PCDH18: variants seen among roughly 807,000 people sequenced by gnomAD.
The protein encoded by PCDH18 is protocadherin-18.
PCDH18 carries 38 observed loss-of-function variants against 71.5 expected under a neutral mutation model. The ratio of observed to expected loss-of-function variants is 0.53; its 90% CI spans 0.41 to 0.70. The LOEUF is 0.70. PCDH18 is among the 30% of genes least tolerant of loss of function. PCDH18 has a pLI of 0.00. For missense variants in PCDH18, 1,334 were observed against 1,384.6 expected (o/e 0.96, Z 0.58); for synonymous variants, 565 against 505.4 (o/e 1.12, Z -1.58).
chr4:137,531,926 A>C lies in PCDH18; in HGVS notation c.163T>G (p.Leu55Val), dbSNP rs1342097066. The stretch of plus-strand genomic sequence containing the variant: ...GTAGAAGGATTAGGAAGCTTCAATA[A>C]AACATCAGCCACATCCTCTGATAGT... ...ARLSEDVADV[L>V]LKLPNPSTVR... Residue 55 changes from leucine to valine, a missense_variant, in exon 1 of 4, where the codon TTA (leucine) becomes GTA (valine). Leu to Val is a conservative substitution (Grantham distance 32, BLOSUM62 1). Transcript: ENST00000344876. 1 of 1,614,116 alleles carries C rather than the reference A, an allele frequency of 6.2e-7. No individual in the cohort carries two copies. The highest frequency in any genetic ancestry group is 8.5e-7 in the Non-Finnish European group (1 of 1,180,018).
chr4:137,522,671 A>T (rs1426961772), intron 3 of PCDH18, among the ~76,000 whole-genome samples: 3 of 152,198 alleles, frequency 2.0e-5, no homozygotes, highest in Non-Finnish European at 2.9e-5. Flanking sequence ...TTAAAAGAAC[A>T]TTAGGTTGTT....
rs1233239590 is a variant in PCDH18, at chr4:137,519,389, T to C, written c.*1640A>G. On this transcript the variant is annotated 3_prime_UTR_variant, in exon 4 of 4. Transcript: ENST00000344876. The stretch of plus-strand genomic sequence containing the variant: ...CTGCACAATTTAATACAAAATGTCC[T>C]AAGAAAGTATTTTTTTTTGTTGTAA... The C allele has an allele frequency of 6.6e-6, 1 of 152,192 alleles. No individual in the cohort carries two copies. Among genetic ancestry groups the C allele is most frequent in the Non-Finnish European group, 1.5e-5 (1 of 68,030 alleles). The allele number at this position is 152,192 out of a possible 1,614,324, so 9.4% of individuals were successfully genotyped here.
In PCDH18 at chr4:137,529,798, G is replaced by A. The variant is rs1295529853; in HGVS notation, c.2291C>T (p.Thr764Ile). The change falls in exon 1 of 4, where the codon ACC becomes ATC. Residue 764 changes from threonine to isoleucine, a missense_variant. By Grantham distance (89) the Thr-to-Ile change is moderately conservative. Around this residue, in one of 3 missense-constraint regions of PCDH18, gnomAD observed 1,011 missense variants for 1,048.0 expected, o/e 0.96. Coordinates refer to ENST00000344876, the MANE Select transcript of PCDH18 (RefSeq NM_019035.5). The part of the protein sequence containing the change: ...IHKGDITLVP[T>I]INGTLPIRSH... The stretch of plus-strand genomic sequence containing the variant: ...TCTGATGGGCAGAGTGCCATTTATG[G>A]TAGGCACCAATGTGATGTCCCCTTT... 4.3e-6 allele frequency: 7 copies of A among 1,612,856 alleles called. No individual in the cohort carries two copies. In the African/African-American group the frequency reaches 8.0e-5, roughly 18 times the overall value.
intron 3 of PCDH18, among the ~76,000 whole-genome samples, chr4:137,526,271 A>C (rs1273017052): frequency 6.6e-6 from 1 of 152,082 alleles, no homozygotes; most frequent in Non-Finnish European, 1.5e-5. Flanking sequence ...TATTCAGTTA[A>C]GTATGCTGAT....
Position 137,532,065 on chromosome 4 carries a change from C to T in PCDH18, c.24G>A (p.Met8Ile). The change falls in exon 1 of 4, where the codon ATG (methionine) becomes ATA (isoleucine). Residue 8 changes from methionine to isoleucine, a missense_variant. Met to Ile is a conservative substitution (Grantham distance 10, BLOSUM62 1). Coordinates refer to ENST00000344876, the MANE Select transcript of PCDH18 (RefSeq NM_019035.5). The part of the protein sequence containing the change: MHQMNAK[M>I]HFRFVFALLI... Reference sequence around the variant, plus strand: ...GAAGTGCAAAAACAAACCTAAAGTGCATTTTAGCATTCATTTGGTGCATTG... The same window carrying T: ...GAAGTGCAAAAACAAACCTAAAGTGTATTTTAGCATTCATTTGGTGCATTG... The T allele has an allele frequency of 2.5e-6, 4 of 1,609,098 alleles. No homozygotes were observed. The highest frequency in any genetic ancestry group is 3.4e-6 in the Non-Finnish European group (4 of 1,177,284).
chr4:137,521,604 T>TC lies in PCDH18; in HGVS notation c.2832dup (p.Ser945GlufsTer2). 1 of 1,613,858 alleles carries TC rather than the reference T, an allele frequency of 6.2e-7. No individual in the cohort carries two copies. Among genetic ancestry groups the TC allele is most frequent in the Non-Finnish European group, 8.5e-7 (1 of 1,179,982 alleles). On this transcript the variant is annotated frameshift_variant, in exon 4 of 4. Coordinates refer to ENST00000344876, the MANE Select transcript of PCDH18 (RefSeq NM_019035.5). LOFTEE classifies it high-confidence loss of function. ...TCTTCCCCTGGAATGAACATGTTACTCCTATAATCAGAAGACGGTGAGGGC... is the reference window on the plus strand; with the variant it reads ...TCTTCCCCTGGAATGAACATGTTACTCCCTATAATCAGAAGACGGTGAGGGC...
rs777674719 is a variant in PCDH18, at chr4:137,530,578, A to G, written c.1511T>C (p.Ile504Thr). ...ACTTCCTAGAATAAAACTCTCCAAG[A>G]TGGTGTATGTCACTTGCCCATTTTC... is the stretch of plus-strand genomic sequence containing the variant. ...LGENGQVTYT[I>T]LESFILGSSI... is the part of the protein sequence containing the mutation. The change falls in exon 1 of 4, where the codon ATC becomes ACC. Residue 504 changes from isoleucine (I) to threonine (T), a missense_variant. Physicochemically the swap from Ile to Thr is moderately conservative, Grantham distance 89 (BLOSUM62 -1). Coordinates refer to ENST00000344876, the MANE Select transcript of PCDH18 (RefSeq NM_019035.5). 5 of 1,614,094 alleles carry G rather than the reference A, an allele frequency of 3.1e-6. No individual in the cohort carries two copies. The highest frequency in any genetic ancestry group is 2.2e-5 in the East Asian group (1 of 44,874).
chr4:137,529,992 G>A lies in PCDH18; in HGVS notation c.2097C>T (p.Ser699=), dbSNP rs982328521. The stretch of plus-strand genomic sequence containing the variant: ...CTCCTAAGGAAATAATTATTATCAT[G>A]GAGACATCCAAGGATGCCTGGCTTA... The part of the protein sequence containing the change: ...TSVSQASLDV[S]MIIIISLGAI... Residue 699 remains serine, a synonymous_variant, in exon 1 of 4, where the codon TCC becomes TCT. Coordinates refer to ENST00000344876, the MANE Select transcript of PCDH18 (RefSeq NM_019035.5). The A allele has an allele frequency of 1.2e-6, 2 of 1,613,916 alleles. No homozygotes were observed. The highest frequency in any genetic ancestry group is 1.6e-4 in the Middle Eastern group (1 of 6,062).
In PCDH18 at chr4:137,521,295, C is replaced by A. The variant is rs1731288238; in HGVS notation, c.3142G>T (p.Gly1048Cys). Residue 1048 changes from glycine to cysteine, a missense_variant, in exon 4 of 4, where the codon GGT becomes TGT. By Grantham distance (159) the Gly-to-Cys change is radical. Coordinates refer to ENST00000344876, the MANE Select transcript of PCDH18 (RefSeq NM_019035.5). ...CATGCCGCTACCCCCTGTGGGTAAC[C>A]CACAGTTTTGGCTGGCAAGGGTCCC... ...RKGPLPAKTV[G>C]YPQGVAAWAA... 3 of 1,614,144 alleles carry A rather than the reference C, an allele frequency of 1.9e-6. No homozygotes were observed. Among genetic ancestry groups the A allele is most frequent in the Admixed American group, 3.3e-5 (2 of 60,024 alleles).
Position 137,529,640 on chromosome 4 carries a change from A to C in PCDH18, c.2449T>G (p.Phe817Val). 2 of 1,612,182 alleles carry C rather than the reference A, an allele frequency of 1.2e-6. No individual in the cohort carries two copies. The highest frequency in any genetic ancestry group is 1.7e-6 in the Non-Finnish European group (2 of 1,178,916). Residue 817 changes from phenylalanine to valine, a missense_variant, in exon 1 of 4, where the codon TTC (phenylalanine) becomes GTC (valine). Physicochemically the swap from Phe to Val is conservative, Grantham distance 50. Transcript: ENST00000344876. ...GTGGCGTGGGTGAGTTCTAATGAGAAATTCTCTGGCACGTGGTTTGATGAG... is the reference window on the plus strand; with the variant it reads ...GTGGCGTGGGTGAGTTCTAATGAGACATTCTCTGGCACGTGGTTTGATGAG... ...TISSNHVPEN[F>V]SLELTHATPA... is the part of the protein sequence containing the mutation.
chr4:137,522,588 G>A (rs557666808), intron 3 of PCDH18, among the ~76,000 whole-genome samples: 2 of 152,266 alleles, frequency 1.3e-5, no homozygotes, highest in South Asian at 2.1e-4. Flanking sequence ...TGAGAAATAA[G>A]GCTGTTCAGT....
In PCDH18 at chr4:137,519,123, A is replaced by G. The variant is rs562986438; in HGVS notation, c.*1906T>C. 1 of 152,186 alleles carries G rather than the reference A, an allele frequency of 6.6e-6. No individual in the cohort carries two copies. Among genetic ancestry groups the G allele is most frequent in the Non-Finnish European group, 1.5e-5 (1 of 68,016 alleles). The allele number at this position is 152,186 out of a possible 1,614,324, so 9.4% of individuals were successfully genotyped here. ...AAATATGGTTAGCGTTTGTGTGTGT[A>G]ATCTACTGAAAAATATACTGAAATT... On this transcript the variant is annotated 3_prime_UTR_variant, in exon 4 of 4. Coordinates refer to ENST00000344876, the MANE Select transcript of PCDH18 (RefSeq NM_019035.5).
chr4:137,528,845 A>G (rs747251346), intron 1 of PCDH18, 25 bp from the exon 2 acceptor site: 6 of 1,524,572 alleles, frequency 3.9e-6, no homozygotes, highest in Middle Eastern at 1.7e-4. Flanking sequence ...GACAGAACTG[A>G]TTCCCGGAAA....
At position 137,530,165 on chromosome 4, in the gene PCDH18, C is replaced by G. The variant is rs1245243603; in HGVS notation, c.1924G>C (p.Val642Leu). 1 of 1,613,284 alleles carries G rather than the reference C, an allele frequency of 6.2e-7. No individual in the cohort carries two copies. The highest frequency in any genetic ancestry group is 1.7e-5 in the Admixed American group (1 of 59,946). Reference sequence around the variant, plus strand: ...GTGTAGGGAACAGAATCCATGCTAACGTTGGTATGGATGTCACATGATCGT... The same window carrying G: ...GTGTAGGGAACAGAATCCATGCTAAGGTTGGTATGGATGTCACATGATCGT... ...DPRSCDIHTN[V>L]SMDSVPYTEW... Residue 642 changes from valine (V) to leucine (L), a missense_variant, in exon 1 of 4, where the codon GTT becomes CTT. Coordinates refer to ENST00000344876, the MANE Select transcript of PCDH18 (RefSeq NM_019035.5).
rs1269137725 is a variant in PCDH18, at chr4:137,519,764, A to G, written c.*1265T>C. 2 of 152,548 alleles carry G rather than the reference A, an allele frequency of 1.3e-5. No individual in the cohort carries two copies. Among genetic ancestry groups the G allele is most frequent in the African/African-American group, 2.4e-5 (1 of 41,574 alleles). 9.4% of individuals were successfully genotyped at this position (152,548 alleles called of 1,614,324 possible). ...AAATTTTCTGGAGAGTACAATCAAG[A>G]TAGTGTATTATTAGAAATAACATTA... On this transcript the variant is annotated 3_prime_UTR_variant, in exon 4 of 4. Transcript: ENST00000344876.
intron 3 of PCDH18, among the ~76,000 whole-genome samples, chr4:137,522,193 CTT>C (rs772437694): frequency 1.3e-5 from 2 of 152,096 alleles, no homozygotes; most frequent in African/African-American, 4.8e-5. Context: ...ATTAATCTCT[CTT>C]AAAGATATTA....
At position 137,530,989 on chromosome 4, in the gene PCDH18, G is replaced by T. The variant is rs766413622; in HGVS notation, c.1100C>A (p.Ser367Tyr). The change falls in exon 1 of 4, where the codon TCT becomes TAT. Residue 367 changes from serine (S) to tyrosine (Y), a missense_variant. By Grantham distance (144) the Ser-to-Tyr change is moderately radical. Around this residue, in one of 3 missense-constraint regions of PCDH18, gnomAD observed 1,011 missense variants for 1,048.0 expected, o/e 0.96. Coordinates refer to ENST00000344876, the MANE Select transcript of PCDH18 (RefSeq NM_019035.5). ...NLMSPGKEEI[S>Y]YIFEGDPIDT... The stretch of plus-strand genomic sequence containing the variant: ...AATAGGATCCCCTTCAAAAATATAA[G>T]ATATTTCTTCTTTTCCAGGGGACAT... 2 of 1,612,648 alleles carry T rather than the reference G, an allele frequency of 1.2e-6. No individual in the cohort carries two copies. Among genetic ancestry groups the T allele is most frequent in the Non-Finnish European group, 1.7e-6 (2 of 1,179,378 alleles).
At position 137,528,740 on chromosome 4, in the gene PCDH18, C is replaced by A; in HGVS notation, c.2568G>T (p.Arg856Ser). 1 of 1,612,398 alleles carries A rather than the reference C, an allele frequency of 6.2e-7. No homozygotes were observed. The highest frequency in any genetic ancestry group is 8.5e-7 in the Non-Finnish European group (1 of 1,178,552). Residue 856 changes from arginine to serine, a missense_variant, in exon 2 of 4, where the codon AGG becomes AGT. Physicochemically the swap from Arg to Ser is moderately radical, Grantham distance 110 (BLOSUM62 -1). Transcript: ENST00000344876. The stretch of plus-strand genomic sequence containing the variant: ...ACAAGAATAATTCATACCTGTAGCT[C>A]CTGGAATATTTGTTTCCTCGAAAAC... ...RPSFRGNKYS[R>S]SYRYALQDMD...
In PCDH18 at chr4:137,528,980, G is replaced by A. The variant is rs1731564336; in HGVS notation, c.2488-160C>T. The A allele has an allele frequency of 6.5e-6, 4 of 615,094 alleles. No homozygotes were observed. The South Asian group carries it at 8.0e-5, about 12-fold the overall frequency. The allele number at this position is 615,094 out of a possible 1,614,324, so 38.1% of individuals were successfully genotyped here. A position where few individuals can be genotyped will look rare whatever the true frequency, so the allele number is the denominator to read the frequency against. ...ATGCTGGACTGTGGCGGACCACGCA[G>A]CCAGCTACCAACTATAACTAAAATA... On this transcript the variant is annotated intron_variant, in intron 1 of 3. Coordinates refer to ENST00000344876, the MANE Select transcript of PCDH18 (RefSeq NM_019035.5).
Sources: gnomAD v4.1 joint callset for allele counts (sites outside exome capture counted in the v4.1 genomes callset) on GRCh38, gnomAD v4.1.1 for gene constraint, gnomAD v4.1.1 regional missense constraint, MANE v1.5 for transcripts, NCBI Gene and HGNC (gene_info 2026-07-23, HGNC 2026-07-21) for gene names.